SLC25A48: variants seen among roughly 807,000 people sequenced by gnomAD.
The protein encoded by SLC25A48 is CTC-321K16.1.
SLC25A48 carries 29 observed loss-of-function variants against 32.2 expected under a neutral mutation model. That is an observed-to-expected ratio of 0.90 (90% CI 0.67 to 1.23). SLC25A48 has a LOEUF of 1.23. SLC25A48 is among the 50% of genes most tolerant of loss of function. The pLI is 0.00. For missense variants in SLC25A48, 399 were observed against 422.7 expected (o/e 0.94, Z 0.49); for synonymous variants, 164 against 172.3 (o/e 0.95, Z 0.38).
At chr5:135,703,099 G>A (rs1754429500) in intron 3 of SLC25A48, among the ~76,000 whole-genome samples, 1 of 152,170 alleles carries the variant, frequency 6.6e-6, no homozygotes, top group Non-Finnish European at 1.5e-5. Context: ...TGAACAAGAT[G>A]GTAATATGTA....
At position 135,778,969 on chromosome 5, in the gene SLC25A48, TC is replaced by T. The variant is rs565739505; in HGVS notation, c.-520-33550del. On this transcript the variant is annotated intron_variant, in intron 3 of 10. Transcript: ENST00000646290. ...AGTTCTCAAGGGGGGAGAGAATATT[TC>T]CCCAAATATCACATAATATACATCC... 1.3e-4 allele frequency among the ~76,000 whole-genome samples: 19 copies of T among 151,406 alleles called. No individual in the cohort carries two copies. In the South Asian group the frequency reaches 3.4e-3, roughly 27 times the overall value.
chr5:135,799,105 T>G (rs548410282), intron 3 of SLC25A48, among the ~76,000 whole-genome samples: 1 of 151,748 alleles, frequency 6.6e-6, no homozygotes, highest in South Asian at 2.1e-4. Flanking sequence ...TTTTTCCTAA[T>G]GTACAGGGCG....
chr5:135,580,993 T>A (rs1002787079), intron 1 of SLC25A48, among the ~76,000 whole-genome samples: 3 of 152,202 alleles, frequency 2.0e-5, no homozygotes, highest in Non-Finnish European at 4.4e-5. Context: ...GGAGTCAAAT[T>A]GCCTGAGTAT....
chr5:135,866,955 G>A (rs1212369967), intron 4 of SLC25A48, among the ~76,000 whole-genome samples: 1 of 152,160 alleles, frequency 6.6e-6, no homozygotes, highest in African/African-American at 2.4e-5. Context: ...CTAATAAAAG[G>A]TAGTATGCCC....
At chr5:135,702,453 G>A (rs575088563) in intron 3 of SLC25A48, among the ~76,000 whole-genome samples, 2 of 152,362 alleles carry the variant, frequency 1.3e-5, no homozygotes, top group South Asian at 4.1e-4. Flanking sequence ...CAGAAGGTGG[G>A]AAGAGGCAAG....
intron 3 of SLC25A48, among the ~76,000 whole-genome samples, chr5:135,755,711 G>A (rs1332374964): frequency 2.6e-5 from 4 of 151,744 alleles, no homozygotes; most frequent in East Asian, 1.9e-4. Context: ...TATATCTAGT[G>A]TCAACGCACT....
intron 3 of SLC25A48, among the ~76,000 whole-genome samples, chr5:135,674,442 A>G (rs1753723595): frequency 6.6e-6 from 1 of 151,982 alleles, no homozygotes; most frequent in Non-Finnish European, 1.5e-5. Context: ...TCTTACCCAC[A>G]AGCCCTTCTC....
chr5:135,824,189 T>C (rs1000929213), intron 4 of SLC25A48, among the ~76,000 whole-genome samples: 1 of 152,034 alleles, frequency 6.6e-6, no homozygotes, highest in Non-Finnish European at 1.5e-5. Context: ...AAGGACAAGT[T>C]TGGTGTGACT....
chr5:135,580,169 A>G (rs1460469486), intron 1 of SLC25A48, among the ~76,000 whole-genome samples: 1 of 152,230 alleles, frequency 6.6e-6, no homozygotes, highest in Non-Finnish European at 1.5e-5. Flanking sequence ...GAGAAGAAAT[A>G]ACTTGTCCAA....
chr5:135,642,838 G>T (rs937079256), intron 3 of SLC25A48, among the ~76,000 whole-genome samples: 1 of 152,212 alleles, frequency 6.6e-6, no homozygotes, highest in Admixed American at 6.5e-5. Context: ...TGACTCAAAT[G>T]TGGCTCCTGA....
At position 135,770,124 on chromosome 5, in the gene SLC25A48, G is replaced by T. The variant is rs761029331; in HGVS notation, c.-520-42399G>T. Among the ~76,000 whole-genome samples the T allele has an allele frequency of 6.5e-4, 98 of 151,420 alleles. 1 individual carries two copies. Among genetic ancestry groups the T allele is most frequent in the Admixed American group, 1.3e-4 (2 of 15,140 alleles). ...TGATATTATTCCTAATATTGCAAGG[G>T]ATTGTTCACCCACCCTGTAACATTT... On this transcript the variant is annotated intron_variant, in intron 3 of 10. Transcript: ENST00000646290.
intron 3 of SLC25A48, among the ~76,000 whole-genome samples, chr5:135,644,504 T>G (rs1330073790): frequency 6.6e-6 from 1 of 152,092 alleles, no homozygotes; most frequent in African/African-American, 2.4e-5. Flanking sequence ...TTAATGAAAA[T>G]AGCCAGCATT....
At chr5:135,647,387 G>C (rs1371575316) in intron 3 of SLC25A48, among the ~76,000 whole-genome samples, 1 of 152,164 alleles carries the variant, frequency 6.6e-6, no homozygotes, top group Non-Finnish European at 1.5e-5. Context: ...GACAGGAGCT[G>C]TGTCCTCCCT....
intron 3 of SLC25A48, among the ~76,000 whole-genome samples, chr5:135,810,638 A>C (rs976272283): frequency 6.6e-6 from 1 of 152,194 alleles, no homozygotes; most frequent in African/African-American, 2.4e-5. Flanking sequence ...TGCCACACAC[A>C]GCATGTGGTT....
chr5:135,644,164 A>G (rs959695548), intron 3 of SLC25A48, among the ~76,000 whole-genome samples: 1 of 152,052 alleles, frequency 6.6e-6, no homozygotes, highest in Non-Finnish European at 1.5e-5. Context: ...GACAAATGGA[A>G]TTTCAGCAAG....
chr5:135,704,178 G>A (rs919146005), intron 3 of SLC25A48, among the ~76,000 whole-genome samples: 1 of 152,210 alleles, frequency 6.6e-6, no homozygotes, highest in African/African-American at 2.4e-5. Context: ...TCTAGCTGGA[G>A]GATGTCGGGA....
intron 3 of SLC25A48, among the ~76,000 whole-genome samples, chr5:135,737,207 G>T (rs1755384773): frequency 6.6e-6 from 1 of 152,064 alleles, no homozygotes; most frequent in African/African-American, 2.4e-5. Context: ...GGGAGATGGG[G>T]TGGGGCCGTT....
intron 3 of SLC25A48, among the ~76,000 whole-genome samples, chr5:135,688,231 A>G (rs979992418): frequency 1.3e-5 from 2 of 152,148 alleles, no homozygotes; most frequent in African/African-American, 4.8e-5. Flanking sequence ...GCTGAATAAT[A>G]TTCCGTCATA....
intron 1 of SLC25A48, among the ~76,000 whole-genome samples, chr5:135,600,794 T>C (rs1751778496): frequency 6.6e-6 from 1 of 152,028 alleles, no homozygotes; most frequent in East Asian, 1.9e-4. Context: ...GCAATTCTCC[T>C]GCCTCAGCCT....
Sources: allele counts gnomAD v4.1 joint callset (sites outside exome capture counted in the v4.1 genomes callset), GRCh38; gene constraint gnomAD v4.1.1; transcripts MANE v1.5; gene names NCBI Gene and HGNC (gene_info 2026-07-23, HGNC 2026-07-21).